MICU1: variants seen among roughly 807,000 people sequenced by gnomAD.
MICU1 encodes mitochondrial calcium uptake 1.
Under a neutral mutation model 56.8 loss-of-function variants are expected in MICU1, and 45 were observed. That is an observed-to-expected ratio of 0.79 (90% CI 0.62 to 1.02). MICU1 has a LOEUF of 1.02. MICU1 is among the 50% of genes least tolerant of loss of function. MICU1 has a pLI of 0.00. For missense variants in MICU1, 504 were observed against 587.1 expected, an observed-to-expected ratio of 0.86 and a Z score of 1.46; for synonymous variants, 186 against 195.1, an observed-to-expected ratio of 0.95 and a Z score of 0.39.
chr10:72,596,702 A>C (rs1254018665), intron 1 of MICU1, among the ~76,000 whole-genome samples: 2 of 151,414 alleles, frequency 1.3e-5, no homozygotes, highest in African/African-American at 4.9e-5. Context: ...GTGAAACCCT[A>C]TCTCTACTAA....
chr10:72,504,074 A>T (rs568532896), intron 6 of MICU1, among the ~76,000 whole-genome samples: 1 of 152,310 alleles, frequency 6.6e-6, no homozygotes, highest in East Asian at 1.9e-4. Flanking sequence ...GAATCTACAG[A>T]TTCAATGCTA....
intron 10 of MICU1, among the ~76,000 whole-genome samples, chr10:72,404,749 A>C (rs1347897090): frequency 2.0e-5 from 3 of 152,226 alleles, no homozygotes; most frequent in African/African-American, 7.2e-5. Context: ...TATTTACTTA[A>C]AAAATTAAAT....
intron 1 of MICU1, among the ~76,000 whole-genome samples, chr10:72,605,465 A>G (rs946582551): frequency 6.6e-6 from 1 of 152,124 alleles, no homozygotes; most frequent in Admixed American, 6.5e-5. Context: ...TTATCCCCTT[A>G]CTTTCTTAAT....
intron 5 of MICU1, among the ~76,000 whole-genome samples, chr10:72,519,398 C>T (rs1300559937): frequency 6.6e-6 from 1 of 152,182 alleles, no homozygotes; most frequent in Non-Finnish European, 1.5e-5. Context: ...TTGATCTCAA[C>T]TGCACCATAT....
chr10:72,532,265 C>T (rs1300901773), intron 5 of MICU1, among the ~76,000 whole-genome samples: 1 of 151,670 alleles, frequency 6.6e-6, no homozygotes, highest in African/African-American at 2.4e-5. Context: ...TTGCAGTGAG[C>T]CGAGATTGCT....
intron 6 of MICU1, among the ~76,000 whole-genome samples, chr10:72,492,809 A>G (rs1431799317): frequency 6.7e-6 from 1 of 149,042 alleles, no homozygotes; most frequent in Non-Finnish European, 1.5e-5. Flanking sequence ...AAATAAAATA[A>G]AATAAAATAA....
intron 1 of MICU1, among the ~76,000 whole-genome samples, chr10:72,597,463 T>A (rs1457389101): frequency 1.3e-5 from 2 of 152,226 alleles, no homozygotes; most frequent in African/African-American, 4.8e-5. Context: ...TACTACAGGC[T>A]GAGTATCCCT....
chr10:72,544,527 C>A (rs1378004042), intron 4 of MICU1, among the ~76,000 whole-genome samples: 1 of 152,156 alleles, frequency 6.6e-6, no homozygotes, highest in Non-Finnish European at 1.5e-5. Context: ...TAGAGATCCT[C>A]TTTGCAATAG....
chr10:72,503,876 A>G (rs1867157070), intron 6 of MICU1, among the ~76,000 whole-genome samples: 1 of 148,864 alleles, frequency 6.7e-6, no homozygotes, highest in Non-Finnish European at 1.5e-5. Context: ...ACACACACAC[A>G]CACACACACA....
chr10:72,515,056 C>T (rs1434924492), intron 5 of MICU1, among the ~76,000 whole-genome samples: 1 of 152,188 alleles, frequency 6.6e-6, no homozygotes, highest in Non-Finnish European at 1.5e-5. Flanking sequence ...TAGGGAGCCA[C>T]CAGACAGGTT....
intron 1 of MICU1, among the ~76,000 whole-genome samples, chr10:72,601,769 T>C (rs1221599082): frequency 1.3e-5 from 2 of 151,242 alleles, no homozygotes; most frequent in African/African-American, 2.4e-5. Flanking sequence ...GTATACAATA[T>C]ATAAAATATT....
chr10:72,398,189 T>C (rs1391340865), intron 10 of MICU1, among the ~76,000 whole-genome samples: 1 of 152,192 alleles, frequency 6.6e-6, no homozygotes. Context: ...CCTGAATGAC[T>C]ACTGGGTAAA....
chr10:72,615,887 G>C lies in MICU1; in HGVS notation c.-2+10123C>G, dbSNP rs538844844. Among the ~76,000 whole-genome samples the C allele has an allele frequency of 9.8e-4, 149 of 152,282 alleles. 1 individual carries two copies. The highest frequency in any genetic ancestry group is 1.8e-3 in the Non-Finnish European group (123 of 68,014). ...ACCTGTAGTCCCAGCTACTTGGAAG[G>C]CTGAGGCAGGAGAATGGCGTGAACC... On this transcript the variant is annotated intron_variant, in intron 1 of 11. Transcript: ENST00000361114.
chr10:72,420,989 C>G (rs1458191346), intron 9 of MICU1, among the ~76,000 whole-genome samples: 1 of 110,560 alleles, frequency 9.0e-6, no homozygotes, highest in Non-Finnish European at 1.8e-5. Flanking sequence ...GCAACAAGAG[C>G]GAAACTCCGT....
chr10:72,535,176 T>G lies in MICU1; in HGVS notation c.494-1387A>C, dbSNP rs540892432. ...TCCCAAGTAGCTGGGATTACAGGTG[T>G]GTGCCACGATACCTGTCTGATTTTT... is the stretch of plus-strand genomic sequence containing the variant. On this transcript the variant is annotated intron_variant, in intron 4 of 11. Coordinates refer to ENST00000361114, the MANE Select transcript of MICU1 (RefSeq NM_001195518.2). Among the ~76,000 whole-genome samples the G allele has an allele frequency of 5.5e-4, 83 of 151,704 alleles. 1 individual carries two copies. The highest frequency in any genetic ancestry group is 1.9e-3 in the African/African-American group (77 of 41,312).
chr10:72,376,582 G>C (rs1179248030), intron 10 of MICU1, among the ~76,000 whole-genome samples: 1 of 152,200 alleles, frequency 6.6e-6, no homozygotes, highest in Admixed American at 6.5e-5. Context: ...GTTTCAATGA[G>C]CTGAGATGGC....
At chr10:72,456,003 A>G (rs1865447078) in intron 8 of MICU1, among the ~76,000 whole-genome samples, 1 of 152,190 alleles carries the variant, frequency 6.6e-6, no homozygotes, top group African/African-American at 2.4e-5. Flanking sequence ...GAATACTACT[A>G]GGAAGCAACT....
At chr10:72,616,779 T>C (rs986171494) in intron 1 of MICU1, among the ~76,000 whole-genome samples, 1 of 152,164 alleles carries the variant, frequency 6.6e-6, no homozygotes, top group Non-Finnish European at 1.5e-5. Context: ...CTCAGCAGAA[T>C]ACTTGAGACG....
chr10:72,440,347 T>G (rs1295823233), intron 8 of MICU1, among the ~76,000 whole-genome samples: 1 of 152,220 alleles, frequency 6.6e-6, no homozygotes, highest in Non-Finnish European at 1.5e-5. Flanking sequence ...GCTAGCCATA[T>G]GTAGAAGGCT....
Sources: allele counts gnomAD v4.1 joint callset (sites outside exome capture counted in the v4.1 genomes callset), GRCh38; gene constraint gnomAD v4.1.1; transcripts MANE v1.5; gene names NCBI Gene and HGNC (gene_info 2026-07-23, HGNC 2026-07-21).